IDUA: variants seen among roughly 807,000 people sequenced by gnomAD.
IDUA encodes the protein iduronidase alpha-L-.
In IDUA, 65 loss-of-function variants were observed where a neutral mutation model predicts 68.9. That is an observed-to-expected ratio of 0.94 (90% CI 0.77 to 1.16). IDUA has a LOEUF of 1.16. Ranked by LOEUF, IDUA falls within the 50% of genes most tolerant of loss-of-function variation. The probability of loss-of-function intolerance (pLI) is 0.00; values close to 1 mark genes in which losing one functional copy is unlikely to be tolerated. For synonymous variants in IDUA, 529 were observed against 433.6 expected (o/e 1.22, Z -2.73); for missense variants, 1,046 against 938.0 (o/e 1.12, Z -1.50).
chr4:1,000,489 C>T lies in IDUA; in HGVS notation c.300-123C>T, dbSNP rs570035810. ...CAAGGGGAAGGGCCCCTCGGGAAGCCGGGATCGGAGTCCTGTGTGGCACCT... is the reference window on the plus strand; with the variant it reads ...CAAGGGGAAGGGCCCCTCGGGAAGCTGGGATCGGAGTCCTGTGTGGCACCT... On this transcript the variant is annotated intron_variant, in intron 2 of 13. Coordinates refer to ENST00000514224, the MANE Select transcript of IDUA (RefSeq NM_000203.5). 229 of 782,718 alleles carry T rather than the reference C, an allele frequency of 2.9e-4. 2 individuals carry two copies. In the South Asian group the frequency reaches 3.1e-3, roughly 11 times the overall value. 48.5% of individuals were successfully genotyped at this position (782,718 alleles called of 1,614,324 possible). A position where few individuals can be genotyped will look rare whatever the true frequency, so the allele number is the denominator to read the frequency against.
chr4:998,461 C>G (rs1238269133), intron 2 of IDUA, among the ~76,000 whole-genome samples: 1 of 152,198 alleles, frequency 6.6e-6, no homozygotes, highest in Non-Finnish European at 1.5e-5. Flanking sequence ...ACAAAGCCAG[C>G]TGCCACAGGA....
intron 5 of IDUA, 23 bp downstream of exon 5, chr4:1,001,586 C>T (rs748982751): frequency 8.1e-6 from 13 of 1,611,936 alleles, no homozygotes; most frequent in Non-Finnish European, 1.1e-5. Flanking sequence ...TCCTGGGGTC[C>T]TGCCCGGCTG....
Position 1,002,721 on chromosome 4 carries a change from C to CA in IDUA, c.1190-11_1190-10insA. 2 of 1,465,226 alleles carry CA rather than the reference C, an allele frequency of 1.4e-6. No individual in the cohort carries two copies. The highest frequency in any genetic ancestry group is 1.3e-5 in the South Asian group (1 of 77,700). 90.8% of individuals were successfully genotyped at this position (1,465,226 alleles called of 1,614,324 possible). ...GACCCCACGCGGCGACGGCCCCCCC[C>CA]CGCCCCGCAGATGAGGAGCAGCTCT... On this transcript the variant is annotated splice_polypyrimidine_tract_variant and intron_variant, in intron 8 of 13. Coordinates refer to ENST00000514224, the MANE Select transcript of IDUA (RefSeq NM_000203.5).
At chr4:993,913 C>G (rs1185192602) in intron 2 of IDUA, among the ~76,000 whole-genome samples, 1 of 152,202 alleles carries the variant, frequency 6.6e-6, no homozygotes, top group Non-Finnish European at 1.5e-5. Flanking sequence ...GTGCTCACCG[C>G]CCAGGGCGAG....
chr4:997,485 G>C (rs961672880), intron 2 of IDUA, among the ~76,000 whole-genome samples: 1 of 151,268 alleles, frequency 6.6e-6, no homozygotes, highest in Non-Finnish European at 1.5e-5. Flanking sequence ...TCACGCGCTC[G>C]GGCCCAGGGG....
chr4:1,002,680 G>A, intron 8 of IDUA, 52 bp from the exon 9 acceptor site: 1 of 1,324,030 alleles, frequency 7.6e-7, no homozygotes, highest in Non-Finnish European at 1.0e-6. Context: ...CCTGGGTCGG[G>A]GGGCGGCTGG....
rs753475207 is a variant in IDUA, at chr4:1,004,226, G to A, written c.1829-34G>A. ...TCAGGGGGCTTTCGGGTGGGGGCAG[G>A]TTCCGGTTGGCACACATGTCCCCTT... On this transcript the variant is annotated intron_variant, in intron 13 of 13. Transcript: ENST00000514224. The surrounding 1 kb of genome is among the most constrained non-coding windows in gnomAD (Gnocchi z 5.0). 14 of 1,609,648 alleles carry A rather than the reference G, an allele frequency of 8.7e-6. No homozygotes were observed. Among genetic ancestry groups the A allele is most frequent in the East Asian group, 4.5e-5 (2 of 44,858 alleles).
At chr4:992,508 G>A (rs761206956) in intron 2 of IDUA, among the ~76,000 whole-genome samples, 1 of 152,212 alleles carries the variant, frequency 6.6e-6, no homozygotes, top group East Asian at 1.9e-4. Flanking sequence ...ATGCCTGGAC[G>A]GGGGCCCCAT....
At position 1,000,598 on chromosome 4, in the gene IDUA, C is replaced by G; in HGVS notation, c.300-14C>G. 1.2e-6 allele frequency: 2 copies of G among 1,606,156 alleles called. No homozygotes were observed. On this transcript the variant is annotated splice_polypyrimidine_tract_variant and intron_variant, in intron 2 of 13. Transcript: ENST00000514224. The stretch of plus-strand genomic sequence containing the variant: ...TGGGCACCCTGCTTCCTGACGCTGA[C>G]CGTCCTTCTGCAGGGGGTCCACTGG...
chr4:1,001,866 C>T lies in IDUA; in HGVS notation c.777C>T (p.Ile259=). 1.3e-6 allele frequency: 2 copies of T among 1,590,204 alleles called. No homozygotes were observed. The highest frequency in any genetic ancestry group is 1.3e-5 in the African/African-American group (1 of 74,778). ...AGGCGGGCGTGCGGCTGGACTACAT[C>T]TCCCTCCACAGGAAGGTGCGCCCTG... is the stretch of plus-strand genomic sequence containing the variant. ...TGEAGVRLDY[I]SLHRKGARSS... The change falls in exon 6 of 14, where the codon ATC becomes ATT. Residue 259 remains isoleucine (I), a synonymous_variant. Coordinates refer to ENST00000514224, the MANE Select transcript of IDUA (RefSeq NM_000203.5).
rs778198903 is a variant in IDUA, at chr4:989,183, C to T, written c.299+1234C>T. ...CCCAGGTCCTCGCCCTGGGCAGGGC[C>T]TCCCTCACCGACCCCCGTCTCTGAG... On this transcript the variant is annotated intron_variant, in intron 2 of 13. Coordinates refer to ENST00000514224, the MANE Select transcript of IDUA (RefSeq NM_000203.5). 17 of 1,607,712 alleles carry T rather than the reference C, an allele frequency of 1.1e-5. 1 individual carries two copies. In the South Asian group the frequency reaches 1.8e-4, roughly 17 times the overall value.
At chr4:1,003,711 C>A in intron 12 of IDUA, 86 bp downstream of exon 12, 1 of 1,476,024 alleles carries the variant, frequency 6.8e-7, no homozygotes, top group East Asian at 2.3e-5. Flanking sequence ...GTCACTCGGG[C>A]CACTTGCCGT....
At chr4:997,104 C>T (rs1023120140) in intron 2 of IDUA, among the ~76,000 whole-genome samples, 1 of 152,204 alleles carries the variant, frequency 6.6e-6, no homozygotes, top group African/African-American at 2.4e-5. Flanking sequence ...GCCTCCCACC[C>T]GTGGGAAGAA....
intron 2 of IDUA, among the ~76,000 whole-genome samples, chr4:995,199 C>T (rs1247097430): frequency 6.6e-6 from 1 of 152,096 alleles, no homozygotes; most frequent in Non-Finnish European, 1.5e-5. Flanking sequence ...CGTGTGCCAC[C>T]ACGCCCGGCT....
At chr4:1,003,912 T>G in intron 12 of IDUA, 100 bp from the exon 13 acceptor site, 1 of 1,017,686 alleles carries the variant, frequency 9.8e-7, no homozygotes, top group Non-Finnish European at 1.6e-6. Flanking sequence ...CCGAGGGGCT[T>G]GAGGGAATGA....
intron 2 of IDUA, chr4:991,080 A>G: frequency 6.7e-7 from 1 of 1,500,074 alleles, no homozygotes; most frequent in Non-Finnish European, 8.9e-7. Flanking sequence ...CCAAAACCTA[A>G]GGGGGGGTGC....
chr4:991,283 G>T, intron 2 of IDUA: 1 of 1,612,720 alleles, frequency 6.2e-7, no homozygotes, highest in Non-Finnish European at 8.5e-7. Context: ...GCCAGCTGGA[G>T]CTCCCGGTCC....
chr4:990,045 G>T, intron 2 of IDUA: 1 of 1,600,328 alleles, frequency 6.2e-7, no homozygotes, highest in Admixed American at 1.7e-5. Flanking sequence ...CCACCACGAT[G>T]ACCAGCAGCT....
At chr4:997,053 CA>C (rs1364692345) in intron 2 of IDUA, among the ~76,000 whole-genome samples, 42 of 152,314 alleles carry the variant, frequency 2.8e-4, no homozygotes, top group African/African-American at 9.9e-4. Flanking sequence ...AGCCGTTTTA[CA>C]TTGGAGTCCA....
Sources: allele counts gnomAD v4.1 joint callset (sites outside exome capture counted in the v4.1 genomes callset), GRCh38; gene constraint gnomAD v4.1.1; non-coding constraint Gnocchi (gnomAD v3.1); transcripts MANE v1.5; gene names NCBI Gene and HGNC (gene_info 2026-07-23, HGNC 2026-07-21).